The following DKK3 variants were observed in gnomAD, a reference collection of about 807,000 sequenced individuals.
The protein encoded by DKK3 is dickkopf Wnt signaling pathway inhibitor 3, also known as dickkopf-related protein 3.
Under a neutral mutation model 33.2 loss-of-function variants are expected in DKK3, and 22 were observed. The ratio of observed to expected loss-of-function variants is 0.66; its 90% CI spans 0.47 to 0.95. The LOEUF is 0.95. DKK3 is among the 40% of genes least tolerant of loss of function. DKK3 has a pLI of 0.00. For missense variants in DKK3, 398 were observed against 458.4 expected, an observed-to-expected ratio of 0.87 and a Z score of 1.20; for synonymous variants, 194 against 188.8, an observed-to-expected ratio of 1.03 and a Z score of -0.23.
chr11:11,982,052 T>G (rs1564913922), intron 3 of DKK3, among the ~76,000 whole-genome samples: 2 of 152,142 alleles, frequency 1.3e-5, no homozygotes, highest in Non-Finnish European at 2.9e-5. Context: ...TTCCCAGCAT[T>G]GCCCCCGGTG....
intron 3 of DKK3, among the ~76,000 whole-genome samples, chr11:11,997,394 A>C (rs1473962924): frequency 6.6e-6 from 1 of 152,170 alleles, no homozygotes; most frequent in African/African-American, 2.4e-5. Flanking sequence ...CTCTAGGACC[A>C]TGATCATATC....
chr11:12,009,377 C>G, upstream of DKK3: 1 of 974,928 alleles, frequency 1.0e-6, no homozygotes, highest in Non-Finnish European at 1.2e-6. Context: ...CGCCCCCGCC[C>G]CGAGCCCCGC....
At chr11:11,987,778 G>T (rs572378225) in intron 3 of DKK3, among the ~76,000 whole-genome samples, 1 of 152,294 alleles carries the variant, frequency 6.6e-6, no homozygotes, top group Admixed American at 6.5e-5. Flanking sequence ...TTTTTCATCT[G>T]TTTGGTCTAG....
At chr11:11,988,272 A>G (rs6485345) in intron 3 of DKK3, among the ~76,000 whole-genome samples, 101,070 of 152,108 alleles carry the variant, frequency 0.66, 34,532 homozygotes, top group African/African-American at 0.82. Context: ...ATCTCCATCC[A>G]TCATTTTTCC....
intron 3 of DKK3, among the ~76,000 whole-genome samples, chr11:11,976,173 C>T (rs1013186998): frequency 1.3e-5 from 2 of 152,190 alleles, no homozygotes; most frequent in Non-Finnish European, 2.9e-5. Context: ...AGGCCCAGAA[C>T]ATCAGGCTTG....
At chr11:11,996,748 C>T (rs1393194340) in intron 3 of DKK3, among the ~76,000 whole-genome samples, 1 of 152,254 alleles carries the variant, frequency 6.6e-6, no homozygotes, top group Non-Finnish European at 1.5e-5. Flanking sequence ...CCGCTCCCCT[C>T]AACCACCTGC....
At chr11:12,007,196 G>A (rs1387515240) in intron 1 of DKK3, among the ~76,000 whole-genome samples, 1 of 152,158 alleles carries the variant, frequency 6.6e-6, no homozygotes, top group Non-Finnish European at 1.5e-5. Flanking sequence ...AAAGGGCTGC[G>A]GGGAGAAAGC....
intron 3 of DKK3, among the ~76,000 whole-genome samples, chr11:11,968,955 C>T (rs1046451161): frequency 1.1e-4 from 16 of 152,208 alleles, no homozygotes; most frequent in African/African-American, 3.6e-4. Flanking sequence ...TGCCAGAAAG[C>T]CACAGCCCTG....
At chr11:11,980,153 C>A (rs753733461) in intron 3 of DKK3, among the ~76,000 whole-genome samples, 11 of 152,356 alleles carry the variant, frequency 7.2e-5, no homozygotes, top group Middle Eastern at 6.8e-3. Flanking sequence ...CTACAGAAAA[C>A]CAAACTTGCC....
In DKK3 at chr11:11,964,673, ACAC is replaced by A; in HGVS notation, c.841_843del (p.Val281del). The A allele has an allele frequency of 6.2e-7, 1 of 1,613,856 alleles. No homozygotes were observed. The highest frequency in any genetic ancestry group is 1.3e-5 in the African/African-American group (1 of 75,018). ...CCCACGAAGGTCGGCTTGCACACATACACCAGGCTGTGGCTGGGGAGAGATGGG... is the reference window on the plus strand; with the variant it reads ...CCCACGAAGGTCGGCTTGCACACATACAGGCTGTGGCTGGGGAGAGATGGG... On this transcript the variant is annotated inframe_deletion, in exon 7 of 7. Coordinates refer to ENST00000683431, the MANE Select transcript of DKK3 (RefSeq NM_001018057.2).
At chr11:11,968,308 C>G in intron 4 of DKK3, 87 bp downstream of exon 4, 3 of 1,281,240 alleles carry the variant, frequency 2.3e-6, no homozygotes, top group Non-Finnish European at 3.2e-6. Context: ...TCTGGGAAGC[C>G]CAGCTGAGAA....
chr11:11,995,923 C>G (rs1313030181), intron 3 of DKK3, among the ~76,000 whole-genome samples: 1 of 152,220 alleles, frequency 6.6e-6, no homozygotes, highest in Non-Finnish European at 1.5e-5. Context: ...ATACTGCGTG[C>G]AATTTCTAGA....
intron 2 of DKK3, among the ~76,000 whole-genome samples, chr11:12,001,218 C>T (rs950314387): frequency 6.6e-6 from 1 of 152,154 alleles, no homozygotes; most frequent in Non-Finnish European, 1.5e-5. Context: ...ATTCTTCAGT[C>T]GCAGATGAGC....
In DKK3 at chr11:12,008,575, C is replaced by T; in HGVS notation, c.8G>A (p.Arg3Gln). Residue 3 changes from arginine to glutamine, a missense_variant, in exon 1 of 7, where the codon CGG becomes CAG. Coordinates refer to ENST00000683431, the MANE Select transcript of DKK3 (RefSeq NM_001018057.2). The surrounding 1 kb of genome is among the most constrained non-coding windows in gnomAD (Gnocchi z 4.6). MQ[R>Q]LGATLLCLLL... Reference sequence around the variant, plus strand: ...CAGGCACAGCAGGGTGGCCCCAAGCCGCTGCATCTCCGCTCTGCGCCCGCA... The same window carrying T: ...CAGGCACAGCAGGGTGGCCCCAAGCTGCTGCATCTCCGCTCTGCGCCCGCA... 2.7e-6 allele frequency: 4 copies of T among 1,461,540 alleles called. No homozygotes were observed. Among genetic ancestry groups the T allele is most frequent in the South Asian group, 1.4e-5 (1 of 71,806 alleles). 90.5% of individuals were successfully genotyped at this position (1,461,540 alleles called of 1,614,324 possible).
chr11:11,967,189 C>T, intron 4 of DKK3, 91 bp from the exon 5 acceptor site: 2 of 1,450,434 alleles, frequency 1.4e-6, no homozygotes, highest in Non-Finnish European at 1.9e-6. Flanking sequence ...GATAGGCCAA[C>T]CTGCATCCTC....
intron 6 of DKK3, 65 bp from the exon 7 acceptor site, chr11:11,964,751 C>T (rs765478359): frequency 4.2e-5 from 66 of 1,555,086 alleles, no homozygotes; most frequent in East Asian, 9.6e-5. Flanking sequence ...AAAGCTAAGG[C>T]GCCCTGACTC....
chr11:12,008,185 G>GC lies in DKK3; in HGVS notation c.213+184dup, dbSNP rs1848577198. 6.6e-6 allele frequency among the ~76,000 whole-genome samples: 1 copy of GC among 152,110 alleles called. No homozygotes were observed. ...CAGATCCAGACTTTTTGGCAAGGAG[G>GC]CAAAACGAGGCGGGAGTAGGGATCA... On this transcript the variant is annotated intron_variant, in intron 1 of 6. Transcript: ENST00000683431. The surrounding 1 kb of genome is among the most constrained non-coding windows in gnomAD (Gnocchi z 4.6).
chr11:11,988,503 C>T (rs1212538665), intron 3 of DKK3, among the ~76,000 whole-genome samples: 1 of 152,178 alleles, frequency 6.6e-6, no homozygotes, highest in Non-Finnish European at 1.5e-5. Flanking sequence ...TTGGCACTGT[C>T]CCCTGGCCTA....
intron 3 of DKK3, among the ~76,000 whole-genome samples, chr11:11,982,248 G>C (rs912468545): frequency 6.6e-6 from 1 of 150,650 alleles, no homozygotes; most frequent in Non-Finnish European, 1.5e-5. Flanking sequence ...CACTGGAGGA[G>C]AGAGGTCTGG....
Sources: gnomAD v4.1 joint callset for allele counts (sites outside exome capture counted in the v4.1 genomes callset) on GRCh38, gnomAD v4.1.1 for gene constraint, Gnocchi (gnomAD v3.1) non-coding constraint, MANE v1.5 for transcripts, NCBI Gene and HGNC (gene_info 2026-07-23, HGNC 2026-07-21) for gene names.